ARHGEF33: variants seen among roughly 807,000 people sequenced by gnomAD.
ARHGEF33 encodes the protein Rho guanine nucleotide exchange factor 33, also known as DH and coiled-coil domain-containing protein ENSP00000381780.
In ARHGEF33, 72 loss-of-function variants were observed where a neutral mutation model predicts 101.9. That is an observed-to-expected ratio of 0.71 (90% CI 0.58 to 0.86). The LOEUF is 0.86. ARHGEF33 is among the 40% of genes least tolerant of loss of function. The pLI, the probability that ARHGEF33 is intolerant of heterozygous loss-of-function variation, is 0.00. For synonymous variants in ARHGEF33, 499 were observed against 442.5 expected, an observed-to-expected ratio of 1.13 and a Z score of -1.60; for missense variants, 1,169 against 1,111.3, an observed-to-expected ratio of 1.05 and a Z score of -0.74.
rs945786386 is a variant in ARHGEF33 at position 38,907,240 on chromosome 2, A to G, written c.-86+11391A>G. Among the ~76,000 whole-genome samples the G allele has an allele frequency of 2.6e-5, 4 of 152,168 alleles. No individual in the cohort carries two copies. In the South Asian group the frequency reaches 6.2e-4, roughly 24 times the overall value. ...GGGCTGTGGACCATTTTTCTAACTG[A>G]ACTCATCCATTTTCAAGGTTTGACT... On this transcript the variant is annotated intron_variant, in intron 2 of 17. Transcript: ENST00000409978.
Position 38,966,096 on chromosome 2 carries a change from G to A in ARHGEF33, c.2434G>A (p.Asp812Asn). ...TSFSDQNPRQ[D>N]QKGGFRSSFR... ...TTTCAGCGATCAAAATCCCAGGCAA[G>A]ACCAGAAGGGGGGCTTTCGCAGCTC... The change falls in exon 17 of 18, where the codon GAC (aspartate) becomes AAC (asparagine). Residue 812 changes from aspartate to asparagine, a missense_variant. By Grantham distance (23) the Asp-to-Asn change is conservative. Transcript: ENST00000409978. 2 of 1,551,726 alleles carry A rather than the reference G, an allele frequency of 1.3e-6. No homozygotes were observed. The highest frequency in any genetic ancestry group is 1.7e-6 in the Non-Finnish European group (2 of 1,146,994).
Position 38,959,996 on chromosome 2 carries a change from A to T in ARHGEF33, c.1691A>T (p.Asp564Val), listed in dbSNP as rs1667873717. Residue 564 changes from aspartate (D) to valine (V), a missense_variant, in exon 16 of 18, where the codon GAC (aspartate) becomes GTC (valine). Physicochemically the swap from Asp to Val is radical, Grantham distance 152. Coordinates refer to ENST00000409978, the MANE Select transcript of ARHGEF33 (RefSeq NM_001145451.5). ...ACGCAGTTCTGCGCGGCCGAGCAGG[A>T]CGTGAAGGCGCTGGCCGGGCCCCTG... is the stretch of plus-strand genomic sequence containing the variant. ...APTQFCAAEQ[D>V]VKALAGPLQA... 1 of 1,550,148 alleles carries T rather than the reference A, an allele frequency of 6.5e-7. No individual in the cohort carries two copies. Among genetic ancestry groups the T allele is most frequent in the Non-Finnish European group, 8.7e-7 (1 of 1,146,462 alleles).
chr2:38,968,578 C>T (rs1668100681), intron 17 of ARHGEF33, among the ~76,000 whole-genome samples: 1 of 152,210 alleles, frequency 6.6e-6, no homozygotes, highest in South Asian at 2.1e-4. Context: ...TGTCAGTCCT[C>T]TTGTGGCTGT....
intron 2 of ARHGEF33, among the ~76,000 whole-genome samples, chr2:38,910,283 A>G (rs563572484): frequency 6.6e-6 from 1 of 152,314 alleles, no homozygotes; most frequent in Non-Finnish European, 1.5e-5. Flanking sequence ...TTTAGAAATT[A>G]TTGGCAGCCA....
intron 16 of ARHGEF33, 72 bp downstream of exon 16, chr2:38,960,720 T>G: frequency 8.4e-7 from 1 of 1,188,220 alleles, no homozygotes; most frequent in Non-Finnish European, 1.1e-6. Context: ...GCATCCCGAG[T>G]TCTCCTAGCG....
chr2:38,890,078 T>A lies in ARHGEF33; in HGVS notation c.-159+92T>A, dbSNP rs555208846. 1.1e-5 allele frequency: 3 copies of A among 264,966 alleles called. No homozygotes were observed. In the East Asian group the frequency reaches 3.2e-4, roughly 29 times the overall value. The allele number at this position is 264,966 out of a possible 1,614,324, so 16.4% of individuals were successfully genotyped here. ...ACCCATCAATCCTTACCACGTGGTG[T>A]ACTAATTTAAATCCAATATATGCTA... On this transcript the variant is annotated intron_variant, in intron 1 of 17. Coordinates refer to ENST00000409978, the MANE Select transcript of ARHGEF33 (RefSeq NM_001145451.5).
intron 16 of ARHGEF33, among the ~76,000 whole-genome samples, chr2:38,962,148 G>A (rs952761393): frequency 6.6e-6 from 1 of 152,196 alleles, no homozygotes; most frequent in Non-Finnish European, 1.5e-5. Flanking sequence ...TCAACCCCAA[G>A]CTTTGTAAAA....
chr2:38,925,617 T>G (rs910915509), intron 4 of ARHGEF33, among the ~76,000 whole-genome samples: 1 of 152,228 alleles, frequency 6.6e-6, no homozygotes. Context: ...CTTTGTATTT[T>G]AAATAATTGG....
At chr2:38,904,253 G>A (rs1327380357) in intron 2 of ARHGEF33, among the ~76,000 whole-genome samples, 2 of 152,134 alleles carry the variant, frequency 1.3e-5, no homozygotes. Context: ...GGATGAGCAG[G>A]GCAGACCAGG....
chr2:38,940,710 G>A (rs1216283614), intron 9 of ARHGEF33, among the ~76,000 whole-genome samples: 1 of 152,238 alleles, frequency 6.6e-6, no homozygotes, highest in South Asian at 2.1e-4. Flanking sequence ...AGGTGGAGCT[G>A]ATTTACTGCA....
At chr2:38,903,689 A>C (rs111325198) in intron 2 of ARHGEF33, among the ~76,000 whole-genome samples, 1 of 152,214 alleles carries the variant, frequency 6.6e-6, no homozygotes, top group East Asian at 1.9e-4. Context: ...GGACTAAGCT[A>C]TTGCAGATCA....
At chr2:38,924,907 A>G (rs1026304878) in intron 4 of ARHGEF33, among the ~76,000 whole-genome samples, 1 of 152,208 alleles carries the variant, frequency 6.6e-6, no homozygotes, top group African/African-American at 2.4e-5. Flanking sequence ...GTATGACAGC[A>G]TTAGTTACAA....
chr2:38,962,123 C>G (rs1351898615), intron 16 of ARHGEF33, among the ~76,000 whole-genome samples: 1 of 152,132 alleles, frequency 6.6e-6, no homozygotes, highest in Non-Finnish European at 1.5e-5. Context: ...TCAGATTTTC[C>G]TCTAGCTCTG....
At chr2:38,925,474 G>T (rs1470642295) in intron 4 of ARHGEF33, among the ~76,000 whole-genome samples, 1 of 152,160 alleles carries the variant, frequency 6.6e-6, no homozygotes, top group Admixed American at 6.5e-5. Context: ...TCCAGGGATC[G>T]ATAAGCACAC....
intron 2 of ARHGEF33, 107 bp from the exon 3 acceptor site, chr2:38,919,256 T>G (rs750449014): frequency 8.4e-5 from 46 of 547,294 alleles, no homozygotes; most frequent in East Asian, 3.8e-4. Flanking sequence ...TGAAATTGCA[T>G]GTACCTCAAG....
At chr2:38,918,726 C>T (rs1315461850) in intron 2 of ARHGEF33, among the ~76,000 whole-genome samples, 1 of 152,108 alleles carries the variant, frequency 6.6e-6, no homozygotes, top group African/African-American at 2.4e-5. Context: ...TTCATATCTG[C>T]TTAAGTTTTT....
Position 38,957,451 on chromosome 2 carries a change from G to A in ARHGEF33, c.1370+404G>A, listed in dbSNP as rs200787268. ...GTTCCATGCACTGAATATAGTGAAAGGAACAAAATGGCCCCAACCAAATCT... is the reference window on the plus strand; with the variant it reads ...GTTCCATGCACTGAATATAGTGAAAAGAACAAAATGGCCCCAACCAAATCT... On this transcript the variant is annotated intron_variant, in intron 14 of 17. Transcript: ENST00000409978. 1.2e-3 allele frequency among the ~76,000 whole-genome samples: 187 copies of A among 152,294 alleles called. 1 individual carries two copies. The highest frequency in any genetic ancestry group is 4.3e-3 in the African/African-American group (180 of 41,566).
In ARHGEF33 at chr2:38,936,697, C is replaced by T. The variant is rs150240546; in HGVS notation, c.566-638C>T. Among the ~76,000 whole-genome samples, 29 of 152,070 alleles carry T rather than the reference C, an allele frequency of 1.9e-4. 1 individual carries two copies. The East Asian group carries it at 4.9e-3, about 26-fold the overall frequency. ...ATTCGTTAAGAGTTAGCAACAAGGC[C>T]GGGCATGGTGGCTCACGCCTGTAAT... On this transcript the variant is annotated intron_variant, in intron 8 of 17. Coordinates refer to ENST00000409978, the MANE Select transcript of ARHGEF33 (RefSeq NM_001145451.5).
chr2:38,930,721 G>C (rs966132053), intron 6 of ARHGEF33, among the ~76,000 whole-genome samples: 1 of 152,144 alleles, frequency 6.6e-6, no homozygotes, highest in Non-Finnish European at 1.5e-5. Context: ...TGGAGAACAG[G>C]TTGTTTTCAG....
Sources: allele counts gnomAD v4.1 joint callset (sites outside exome capture counted in the v4.1 genomes callset), GRCh38; gene constraint gnomAD v4.1.1; transcripts MANE v1.5; gene names NCBI Gene and HGNC (gene_info 2026-07-23, HGNC 2026-07-21).